Variants in SLC4A4 observed in about 807,000 individuals in gnomAD.
The protein encoded by SLC4A4 is electrogenic sodium bicarbonate cotransporter 1.
A neutral mutation model predicts 111.5 loss-of-function variants in SLC4A4; 27 were observed. The ratio of observed to expected loss-of-function variants is 0.24; its 90% CI spans 0.18 to 0.33. The LOEUF is 0.33. Ranked by LOEUF, SLC4A4 falls within the 10% of genes least tolerant of loss-of-function variation. SLC4A4 has a pLI of 1.00. For missense variants in SLC4A4, 909 were observed against 1,315.5 expected (o/e 0.69, Z 4.78); for synonymous variants, 443 against 463.4 (o/e 0.96, Z 0.57).
chr4:71,177,345 A>G (rs1578554091), intron 2 of SLC4A4, among the ~76,000 whole-genome samples: 1 of 152,340 alleles, frequency 6.6e-6, no homozygotes, highest in East Asian at 1.9e-4. Context: ...CCTTAAATGT[A>G]AATGGGCTAA....
chr4:71,136,752 G>T (rs1210360277), intron 2 of SLC4A4, among the ~76,000 whole-genome samples: 1 of 152,100 alleles, frequency 6.6e-6, no homozygotes, highest in Non-Finnish European at 1.5e-5. Context: ...AGTGTTAGGT[G>T]GGCTAAATGA....
chr4:71,064,606 C>T (rs781667261), intron 1 of SLC4A4, among the ~76,000 whole-genome samples: 5 of 152,106 alleles, frequency 3.3e-5, no homozygotes, highest in Non-Finnish European at 7.4e-5. Flanking sequence ...GGAAGGAAGG[C>T]CATCGCAGGA....
At chr4:71,102,718 G>A (rs1405522323) in intron 2 of SLC4A4, among the ~76,000 whole-genome samples, 17 of 150,426 alleles carry the variant, frequency 1.1e-4, no homozygotes, top group Middle Eastern at 3.4e-3. Flanking sequence ...ACAAGCAAAT[G>A]CTGAGAGATT....
chr4:71,349,897 A>G lies in SLC4A4; in HGVS notation c.390-15A>G, dbSNP rs774992031. On this transcript the variant is annotated splice_polypyrimidine_tract_variant and intron_variant, in intron 4 of 25. Coordinates refer to ENST00000264485, the MANE Select transcript of SLC4A4 (RefSeq NM_001098484.3). ...GAACACTTTTAATTGCTCTTCACTA[A>G]TCTCATCTTCCTAGGTGGATCAAGT... 1.2e-6 allele frequency: 2 copies of G among 1,613,762 alleles called. No homozygotes were observed. Among genetic ancestry groups the G allele is most frequent in the Non-Finnish European group, 1.7e-6 (2 of 1,179,826 alleles).
chr4:71,190,941 A>G (rs577372721), intron 1 of SLC4A4, among the ~76,000 whole-genome samples: 2 of 152,334 alleles, frequency 1.3e-5, no homozygotes, highest in African/African-American at 4.8e-5. Context: ...CAGAATTACA[A>G]TGGTGTGAAA....
chr4:71,251,102 A>G (rs1296152289), intron 2 of SLC4A4, among the ~76,000 whole-genome samples: 1 of 152,222 alleles, frequency 6.6e-6, no homozygotes, highest in African/African-American at 2.4e-5. Flanking sequence ...ATATAGAGGC[A>G]TATGTTGTTA....
intron 6 of SLC4A4, among the ~76,000 whole-genome samples, chr4:71,390,119 T>C (rs888092225): frequency 2.0e-5 from 3 of 152,104 alleles, no homozygotes; most frequent in Non-Finnish European, 2.9e-5. Flanking sequence ...TTATTTTTTT[T>C]CACGGGATGG....
chr4:71,067,247 C>G (rs941782030), intron 1 of SLC4A4, among the ~76,000 whole-genome samples: 4 of 151,366 alleles, frequency 2.6e-5, no homozygotes, highest in Non-Finnish European at 5.9e-5. Context: ...CACAGAATCT[C>G]AAAAAGGAAA....
intron 7 of SLC4A4, among the ~76,000 whole-genome samples, chr4:71,425,606 T>A (rs968290034): frequency 6.6e-6 from 1 of 152,090 alleles, no homozygotes; most frequent in African/African-American, 2.4e-5. Flanking sequence ...GTTTTATACA[T>A]TTTAGAGAGA....
At chr4:71,492,078 G>A (rs1211196547) in intron 15 of SLC4A4, among the ~76,000 whole-genome samples, 1 of 151,398 alleles carries the variant, frequency 6.6e-6, no homozygotes, top group African/African-American at 2.4e-5. Flanking sequence ...TAATATTCTT[G>A]TGCAAAGCAT....
intron 1 of SLC4A4, among the ~76,000 whole-genome samples, chr4:71,193,528 C>T (rs1745850474): frequency 6.6e-6 from 1 of 152,182 alleles, no homozygotes; most frequent in Non-Finnish European, 1.5e-5. Flanking sequence ...TAGTGCCTTC[C>T]TTCAGAATTG....
At chr4:71,481,011 A>C (rs1560546207) in intron 14 of SLC4A4, among the ~76,000 whole-genome samples, 1 of 151,766 alleles carries the variant, frequency 6.6e-6, no homozygotes, top group African/African-American at 2.4e-5. Flanking sequence ...CCATTTATTT[A>C]GATCTATCCT....
intron 3 of SLC4A4, among the ~76,000 whole-genome samples, chr4:71,288,201 A>T (rs1322691715): frequency 6.6e-6 from 1 of 152,126 alleles, no homozygotes; most frequent in Non-Finnish European, 1.5e-5. Context: ...ACCTAAATGG[A>T]TTCTATCTTG....
intron 8 of SLC4A4, 37 bp from the exon 9 acceptor site, chr4:71,447,609 G>A: frequency 1.2e-5 from 15 of 1,256,842 alleles, no homozygotes; most frequent in Non-Finnish European, 1.6e-5. Context: ...TTGATGAAAT[G>A]TGTGTTATAG....
chr4:71,134,958 T>C (rs901408684), intron 2 of SLC4A4, among the ~76,000 whole-genome samples: 1 of 152,176 alleles, frequency 6.6e-6, no homozygotes, highest in African/African-American at 2.4e-5. Flanking sequence ...AGCTTCCTCC[T>C]GAGGGGGATG....
intron 2 of SLC4A4, among the ~76,000 whole-genome samples, chr4:71,122,039 A>G (rs900058024): frequency 1.3e-5 from 2 of 152,180 alleles, no homozygotes; most frequent in Non-Finnish European, 2.9e-5. Context: ...CAGCGAGACC[A>G]CGAACCCACC....
chr4:71,438,955 T>C (rs943690396), intron 7 of SLC4A4, among the ~76,000 whole-genome samples: 1 of 152,040 alleles, frequency 6.6e-6, no homozygotes, highest in African/African-American at 2.4e-5. Flanking sequence ...AGTTGTTTAA[T>C]ATTTGGTATC....
At chr4:71,366,181 T>C (rs55786067) in intron 6 of SLC4A4, among the ~76,000 whole-genome samples, 28 of 152,308 alleles carry the variant, frequency 1.8e-4, no homozygotes, top group African/African-American at 6.7e-4. Flanking sequence ...CAGTGCCGAG[T>C]GCATAGGAAG....
chr4:71,550,014 C>T (rs1735848039), intron 20 of SLC4A4, among the ~76,000 whole-genome samples: 1 of 151,866 alleles, frequency 6.6e-6, no homozygotes, highest in African/African-American at 2.4e-5. Context: ...TGATCCATAC[C>T]TGGGCTCATC....
Sources: gnomAD v4.1 joint callset for allele counts (sites outside exome capture counted in the v4.1 genomes callset) on GRCh38, gnomAD v4.1.1 for gene constraint, MANE v1.5 for transcripts, NCBI Gene and HGNC (gene_info 2026-07-23, HGNC 2026-07-21) for gene names.